The following KLHL2 variants were observed in gnomAD, a reference collection of about 807,000 sequenced individuals.
KLHL2 encodes the protein kelch-like protein 2.
Under a neutral mutation model 75.8 loss-of-function variants are expected in KLHL2, and 15 were observed. That is an observed-to-expected ratio of 0.20 (90% CI 0.13 to 0.30). The LOEUF is 0.30. KLHL2 is among the 10% of genes least tolerant of loss of function. The pLI is 1.00. For synonymous variants in KLHL2, 214 were observed against 251.9 expected (o/e 0.85, Z 1.42); for missense variants, 381 against 741.0 (o/e 0.51, Z 5.64).
chr4:165,281,010 A>G (rs1323211825), intron 5 of KLHL2, among the ~76,000 whole-genome samples: 4 of 152,304 alleles, frequency 2.6e-5, no homozygotes, highest in African/African-American at 9.6e-5. Context: ...TGTTTTCCCA[A>G]AAACACTTTG....
chr4:165,232,190 G>A (rs1738946668), intron 3 of KLHL2, among the ~76,000 whole-genome samples: 2 of 152,146 alleles, frequency 1.3e-5, no homozygotes, highest in South Asian at 4.2e-4. Context: ...TTGGGAAGCT[G>A]AGGCAGGTGG....
At chr4:165,224,613 C>A (rs1738284509) in intron 2 of KLHL2, among the ~76,000 whole-genome samples, 1 of 152,144 alleles carries the variant, frequency 6.6e-6, no homozygotes, top group African/African-American at 2.4e-5. Context: ...GATGTGCATC[C>A]ATAAAAACAT....
chr4:165,262,048 C>T (rs556328557), intron 4 of KLHL2, among the ~76,000 whole-genome samples: 1 of 152,096 alleles, frequency 6.6e-6, no homozygotes, highest in Non-Finnish European at 1.5e-5. Context: ...AAGTTTTTCT[C>T]CTTAATTTGA....
intron 5 of KLHL2, among the ~76,000 whole-genome samples, chr4:165,277,000 A>C (rs1349523207): frequency 1.3e-5 from 2 of 152,176 alleles, no homozygotes; most frequent in Non-Finnish European, 2.9e-5. Flanking sequence ...AAGTCACAAT[A>C]AAGTATATTT....
chr4:165,225,442 T>C (rs1037640034), intron 2 of KLHL2, among the ~76,000 whole-genome samples: 3 of 152,224 alleles, frequency 2.0e-5, no homozygotes, highest in African/African-American at 7.2e-5. Flanking sequence ...TACATGCAAA[T>C]TTTGCTAAAT....
At chr4:165,267,825 A>C (rs1482690306) in intron 5 of KLHL2, among the ~76,000 whole-genome samples, 1 of 152,236 alleles carries the variant, frequency 6.6e-6, no homozygotes, top group Admixed American at 6.5e-5. Flanking sequence ...TGCTGGCCTC[A>C]TAAATGAGTT....
At chr4:165,246,280 G>C (rs1360817264) in intron 4 of KLHL2, among the ~76,000 whole-genome samples, 2 of 152,112 alleles carry the variant, frequency 1.3e-5, no homozygotes, top group African/African-American at 4.8e-5. Flanking sequence ...AGAGAGTGGA[G>C]AAAGATGAGA....
At chr4:165,295,484 TAGAGA>T (rs1038985175) in intron 6 of KLHL2, among the ~76,000 whole-genome samples, 9 of 152,168 alleles carry the variant, frequency 5.9e-5, no homozygotes, top group Non-Finnish European at 1.3e-4. Context: ...CATGGGCTCC[TAGAGA>T]AGAGAAGATT....
At chr4:165,222,486 C>T (rs1247283411) in intron 2 of KLHL2, among the ~76,000 whole-genome samples, 7 of 152,076 alleles carry the variant, frequency 4.6e-5, no homozygotes, top group Admixed American at 2.6e-4. Context: ...GGCTGGTAGT[C>T]GATGCTGATT....
intron 5 of KLHL2, among the ~76,000 whole-genome samples, chr4:165,264,099 A>G (rs1741947894): frequency 6.6e-6 from 1 of 152,070 alleles, no homozygotes; most frequent in African/African-American, 2.4e-5. Context: ...TTGAATGCAC[A>G]CACATAGTTC....
At chr4:165,294,313 A>G in intron 5 of KLHL2, 46 bp from the exon 6 acceptor site, 1 of 1,082,786 alleles carries the variant, frequency 9.2e-7, no homozygotes, top group Non-Finnish European at 1.4e-6. Flanking sequence ...AAACTATGAT[A>G]ATGGAATGTT....
intron 5 of KLHL2, among the ~76,000 whole-genome samples, chr4:165,275,117 ATTT>A (rs1742981437): frequency 6.6e-6 from 1 of 151,328 alleles, no homozygotes; most frequent in African/African-American, 2.4e-5. Flanking sequence ...ATTTTATTTT[ATTT>A]TATTTTATTT....
intron 5 of KLHL2, among the ~76,000 whole-genome samples, chr4:165,276,410 G>A (rs751163140): frequency 2.6e-5 from 4 of 151,790 alleles, no homozygotes; most frequent in Admixed American, 1.3e-4. Context: ...CCTGTATGTC[G>A]TGAGCAGACT....
chr4:165,274,070 T>C (rs1742887533), intron 5 of KLHL2, among the ~76,000 whole-genome samples: 1 of 151,550 alleles, frequency 6.6e-6, no homozygotes, highest in Non-Finnish European at 1.5e-5. Context: ...TTTTTCTTTT[T>C]CTTTTTCTTT....
At chr4:165,278,146 A>G in intron 5 of KLHL2, 2 of 1,512,444 alleles carry the variant, frequency 1.3e-6, no homozygotes, top group Non-Finnish European at 9.2e-7. Flanking sequence ...TCCATGTAGA[A>G]TAACGAATTT....
intron 5 of KLHL2, among the ~76,000 whole-genome samples, chr4:165,284,546 A>G (rs1477805430): frequency 6.6e-6 from 1 of 152,170 alleles, no homozygotes; most frequent in Non-Finnish European, 1.5e-5. Context: ...TGTCCATATC[A>G]TTATCAGCAT....
intron 4 of KLHL2, among the ~76,000 whole-genome samples, chr4:165,248,073 A>G (rs1375969631): frequency 1.3e-5 from 2 of 152,236 alleles, no homozygotes; most frequent in Non-Finnish European, 2.9e-5. Context: ...CTGAGGATCA[A>G]CTAATCTAGG....
intron 1 of KLHL2, among the ~76,000 whole-genome samples, chr4:165,211,889 G>C (rs1429845776): frequency 2.0e-5 from 3 of 152,164 alleles, no homozygotes; most frequent in Non-Finnish European, 4.4e-5. Context: ...GTACATGGTA[G>C]GCATGCAGTA....
chr4:165,300,999 A>T (rs1745310717), intron 8 of KLHL2, among the ~76,000 whole-genome samples: 1 of 152,136 alleles, frequency 6.6e-6, no homozygotes, highest in Non-Finnish European at 1.5e-5. Flanking sequence ...TTTATAACTA[A>T]CTGCAGATTT....
Sources: allele counts gnomAD v4.1 joint callset (sites outside exome capture counted in the v4.1 genomes callset), GRCh38; gene constraint gnomAD v4.1.1; transcripts MANE v1.5; gene names NCBI Gene and HGNC (gene_info 2026-07-23, HGNC 2026-07-21).